Variants in XYLB observed in about 807,000 individuals in gnomAD.
XYLB encodes the protein xylulose kinase.
A neutral mutation model predicts 78.7 loss-of-function variants in XYLB; 62 were observed. The observed-to-expected ratio is 0.79, with a 90% CI of 0.64 to 0.97. The LOEUF (loss-of-function observed/expected upper bound fraction) is 0.97, where lower values mean the gene tolerates loss of function less well. Among genes scored for constraint, XYLB ranks in the 50% least tolerant of loss-of-function variants. The pLI is 0.00. For missense variants in XYLB, 687 were observed against 676.8 expected (o/e 1.02, Z -0.17); for synonymous variants, 245 against 247.4 (o/e 0.99, Z 0.09).
downstream of XYLB, among the ~76,000 whole-genome samples, chr3:38,422,911 C>A (rs775461882): frequency 2.0e-5 from 3 of 152,014 alleles, no homozygotes; most frequent in Non-Finnish European, 2.9e-5. Context: ...GCCTCCGGAA[C>A]CTATACCTTT....
chr3:38,425,002 A>G (rs1278002357), downstream of XYLB, among the ~76,000 whole-genome samples: 1 of 152,232 alleles, frequency 6.6e-6, no homozygotes, highest in African/African-American at 2.4e-5. Context: ...ACCTGGAAAG[A>G]AGCTAAAGCT....
chr3:38,450,397 A>G, the XYLB span, among the ~76,000 whole-genome samples: 4 of 152,186 alleles, frequency 2.6e-5, no homozygotes, highest in African/African-American at 4.8e-5. Flanking sequence ...CCATAGCTTG[A>G]TACTAAAGAA....
chr3:38,448,252 G>A, the XYLB span, among the ~76,000 whole-genome samples: 1 of 151,510 alleles, frequency 6.6e-6, no homozygotes, highest in Non-Finnish European at 1.5e-5. Context: ...GCTGGGGTGG[G>A]TGGGTGAAGA....
chr3:38,380,334 C>T (rs1707087484), intron 15 of XYLB, among the ~76,000 whole-genome samples: 1 of 152,148 alleles, frequency 6.6e-6, no homozygotes, highest in Admixed American at 6.5e-5. Flanking sequence ...GTAGAATAAT[C>T]AGCATTAGGA....
downstream of XYLB, among the ~76,000 whole-genome samples, chr3:38,421,544 C>T (rs114154892): frequency 7.2e-3 from 1,092 of 152,198 alleles, 9 homozygotes; most frequent in African/African-American, 0.024. Context: ...GTTTCCGGAC[C>T]GAGGAACTGT....
intron 2 of XYLB, among the ~76,000 whole-genome samples, chr3:38,354,774 G>A (rs985685101): frequency 1.3e-5 from 2 of 152,166 alleles, no homozygotes; most frequent in Non-Finnish European, 2.9e-5. Context: ...AGGGTGCTGG[G>A]ATTACAGGCG....
intron 14 of XYLB, among the ~76,000 whole-genome samples, chr3:38,378,608 A>G (rs935056625): frequency 2.0e-5 from 3 of 152,052 alleles, no homozygotes; most frequent in Admixed American, 2.0e-4. Context: ...AAAGAGTAGG[A>G]TAGACTTTCA....
At position 38,357,553 on chromosome 3, in the gene XYLB, A is replaced by G. The variant is rs914050080; in HGVS notation, c.141-2786A>G. Among the ~76,000 whole-genome samples, 9 of 151,950 alleles carry G rather than the reference A, an allele frequency of 5.9e-5. No individual in the cohort carries two copies. In the South Asian group the frequency reaches 1.9e-3, roughly 32 times the overall value. On this transcript the variant is annotated intron_variant, in intron 2 of 18. Transcript: ENST00000207870. ...AGGCACCCGCCACCACGCCTGGCTA[A>G]TTTTTTGTATTTTTAGTAGAGATGG...
At chr3:38,365,490 AG>A (rs1706204587) in intron 5 of XYLB, 117 bp from the exon 6 acceptor site, 1 of 1,512,580 alleles carries the variant, frequency 6.6e-7, no homozygotes, top group African/African-American at 1.4e-5. Context: ...TCTCCAACCA[AG>A]GTCACCTGGG....
At position 38,366,909 on chromosome 3, in the gene XYLB, G is replaced by T. The variant is rs2234614; in HGVS notation, c.573+36G>T. ...TGTTCCTGTTTGATTGAAAGTCACAGTTGAATTCTTTTCATAATATGTTAG... is the reference window on the plus strand; with the variant it reads ...TGTTCCTGTTTGATTGAAAGTCACATTTGAATTCTTTTCATAATATGTTAG... On this transcript the variant is annotated intron_variant, in intron 7 of 18. Coordinates refer to ENST00000207870, the MANE Select transcript of XYLB (RefSeq NM_005108.4). 946 of 1,425,484 alleles carry T rather than the reference G, an allele frequency of 6.6e-4. 6 individuals are homozygous for T. The African/African-American group carries it at 0.011, about 17-fold the overall frequency. The allele number at this position is 1,425,484 out of a possible 1,614,324, so 88.3% of individuals were successfully genotyped here.
chr3:38,388,264 T>C (rs975950966), intron 15 of XYLB, among the ~76,000 whole-genome samples: 1 of 151,262 alleles, frequency 6.6e-6, no homozygotes, highest in African/African-American at 2.4e-5. Context: ...TGTCGGTCAG[T>C]GGATTAAAAA....
chr3:38,373,170 C>T lies in XYLB; in HGVS notation c.847+434C>T, dbSNP rs568793064. On this transcript the variant is annotated intron_variant, in intron 10 of 18. Coordinates refer to ENST00000207870, the MANE Select transcript of XYLB (RefSeq NM_005108.4). Reference sequence around the variant, plus strand: ...TGATCTGCAGCAATGACTTGTTTCTCGTCCAGACACCTCATCTCCTTCCCT... The same window carrying T: ...TGATCTGCAGCAATGACTTGTTTCTTGTCCAGACACCTCATCTCCTTCCCT... 4.6e-5 allele frequency among the ~76,000 whole-genome samples: 7 copies of T among 152,256 alleles called. No individual in the cohort carries two copies. In the East Asian group the frequency reaches 1.4e-3, roughly 29 times the overall value.
the XYLB span, among the ~76,000 whole-genome samples, chr3:38,430,333 G>A: frequency 2.0e-5 from 3 of 152,314 alleles, no homozygotes; most frequent in Admixed American, 6.5e-5. Flanking sequence ...TCATGGGTCT[G>A]TTGGCTGCAT....
chr3:38,431,886 GC>G, the XYLB span, among the ~76,000 whole-genome samples: 3 of 152,054 alleles, frequency 2.0e-5, no homozygotes, highest in East Asian at 1.9e-4. Flanking sequence ...TGGGGAAACT[GC>G]CCCCATGATT....
intron 6 of XYLB, among the ~76,000 whole-genome samples, chr3:38,366,077 A>G (rs1706243969): frequency 6.6e-6 from 1 of 150,734 alleles, no homozygotes; most frequent in South Asian, 2.1e-4. Context: ...AAGTCAGTGC[A>G]TGTAAGGCAC....
chr3:38,388,561 G>C (rs1707498092), intron 15 of XYLB, among the ~76,000 whole-genome samples: 1 of 152,100 alleles, frequency 6.6e-6, no homozygotes. Flanking sequence ...CTATATAACA[G>C]CATACTAACA....
chr3:38,401,010 G>C (rs762787669), intron 18 of XYLB, 25 bp downstream of exon 18: 10 of 1,608,884 alleles, frequency 6.2e-6, no homozygotes, highest in Non-Finnish European at 4.3e-6. Context: ...GAATTTGTTT[G>C]TAGCATTTGC....
intron 12 of XYLB, among the ~76,000 whole-genome samples, chr3:38,375,678 G>A (rs374173413): frequency 1.5e-4 from 23 of 152,304 alleles, no homozygotes; most frequent in East Asian, 5.8e-4. Flanking sequence ...CGGCTCTCAT[G>A]GAAGGGACAT....
At chr3:38,421,218 C>G (rs984637136), downstream of XYLB, 1 of 152,588 alleles carries the variant, frequency 6.6e-6, no homozygotes, top group African/African-American at 2.4e-5. Context: ...TGTAGCGCCG[C>G]TGGGTTGGAG....
Sources: gnomAD v4.1 joint callset for allele counts (sites outside exome capture counted in the v4.1 genomes callset) on GRCh38, gnomAD v4.1.1 for gene constraint, MANE v1.5 for transcripts, NCBI Gene and HGNC (gene_info 2026-07-23, HGNC 2026-07-21) for gene names.